ANO2: variants seen among roughly 807,000 people sequenced by gnomAD.
ANO2 encodes anoctamin 2.
Under a neutral mutation model 124.2 loss-of-function variants are expected in ANO2, and 101 were observed. That is an observed-to-expected ratio of 0.81 (90% CI 0.69 to 0.96). The LOEUF (loss-of-function observed/expected upper bound fraction) is 0.96. Among genes scored for constraint, ANO2 ranks in the 40% least tolerant of loss-of-function variants. ANO2 has a pLI of 0.00. For missense variants in ANO2, 1,293 were observed against 1,274.5 expected (o/e 1.01, Z -0.22); for synonymous variants, 486 against 482.5 (o/e 1.01, Z -0.09).
intron 14 of ANO2, among the ~76,000 whole-genome samples, chr12:5,661,485 G>C (rs1466864443): frequency 6.6e-6 from 1 of 152,134 alleles, no homozygotes; most frequent in Non-Finnish European, 1.5e-5. Context: ...GGAGCTCTAA[G>C]GGGTGCCTAT....
chr12:5,872,705 C>G (rs750846168), intron 3 of ANO2, among the ~76,000 whole-genome samples: 1 of 152,062 alleles, frequency 6.6e-6, no homozygotes, highest in Non-Finnish European at 1.5e-5. Context: ...TACTAGAGGT[C>G]TAGAAAATCT....
In ANO2 at chr12:5,758,189, G is replaced by A. The variant is rs1235444001; in HGVS notation, c.1056-7219C>T. 2.0e-5 allele frequency among the ~76,000 whole-genome samples: 3 copies of A among 152,272 alleles called. No individual in the cohort carries two copies. In the East Asian group the frequency reaches 5.8e-4, roughly 29 times the overall value. On this transcript the variant is annotated intron_variant, in intron 10 of 24. Transcript: ENST00000682330. ...ACAGCCGATGGTACTTGGTGGAAAG[G>A]GTGGAAACTCTCCTAGGCCCGAGAT...
chr12:5,764,624 T>A (rs1847932948), intron 10 of ANO2, among the ~76,000 whole-genome samples: 1 of 152,190 alleles, frequency 6.6e-6, no homozygotes, highest in Non-Finnish European at 1.5e-5. Flanking sequence ...GGCAAATTTG[T>A]TAATTGGACA....
intron 16 of ANO2, among the ~76,000 whole-genome samples, chr12:5,629,510 T>A (rs1945593555): frequency 6.6e-6 from 1 of 152,222 alleles, no homozygotes; most frequent in South Asian, 2.1e-4. Flanking sequence ...TTGCTCTTTC[T>A]TCTTGCCTCC....
rs73269281 is a variant in ANO2 at position 5,656,280 on chromosome 12, C to A, written c.1546-8479G>T. The stretch of plus-strand genomic sequence containing the variant: ...CTGTTAAGCTCCAAACTCATTTGTC[C>A]AACTGCCTAGTGAGCATCTTCAGTG... On this transcript the variant is annotated intron_variant, in intron 14 of 24. Transcript: ENST00000682330. 4.7e-3 allele frequency among the ~76,000 whole-genome samples: 713 copies of A among 152,294 alleles called. 4 individuals carry two copies. Among genetic ancestry groups the A allele is most frequent in the African/African-American group, 0.016 (685 of 41,550 alleles).
chr12:5,614,781 G>A (rs999759361), intron 17 of ANO2, among the ~76,000 whole-genome samples: 3 of 152,214 alleles, frequency 2.0e-5, no homozygotes, highest in African/African-American at 4.8e-5. Flanking sequence ...TGTCTGAAAT[G>A]AGGGAAGTCT....
At chr12:5,588,996 C>T (rs1943259805) in intron 20 of ANO2, among the ~76,000 whole-genome samples, 1 of 152,166 alleles carries the variant, frequency 6.6e-6, no homozygotes, top group Admixed American at 6.5e-5. Context: ...CTCACTCTGC[C>T]TACAATGGTC....
chr12:5,746,424 TG>T (rs1470276575), intron 11 of ANO2, among the ~76,000 whole-genome samples: 6 of 152,206 alleles, frequency 3.9e-5, no homozygotes, highest in Non-Finnish European at 7.3e-5. Flanking sequence ...AGAGGAATTC[TG>T]GCTAAGAATG....
rs531457555 is a variant in ANO2, at chr12:5,671,738, C to T, written c.1546-23937G>A. ...AAATAACACAGTGCAAATGACAATACTCGAAAGCCTAGAGATATACTCAGC... is the reference window on the plus strand; with the variant it reads ...AAATAACACAGTGCAAATGACAATATTCGAAAGCCTAGAGATATACTCAGC... On this transcript the variant is annotated intron_variant, in intron 14 of 24. Transcript: ENST00000682330. Among the ~76,000 whole-genome samples the T allele has an allele frequency of 3.0e-3, 455 of 152,296 alleles. 3 individuals are homozygous for T. The highest frequency in any genetic ancestry group is 0.011 in the African/African-American group (439 of 41,570).
rs966826367 is a variant in ANO2, at chr12:5,871,517, C to T, written c.535-17376G>A. On this transcript the variant is annotated intron_variant, in intron 3 of 24. Coordinates refer to ENST00000682330, the MANE Select transcript of ANO2 (RefSeq NM_001364791.2). ...AATGGCAGGGAAGCAAGCATCACCA[C>T]GTGAGTGCCACCTCCTGTCAGATAA... Among the ~76,000 whole-genome samples, 3 of 152,188 alleles carry T rather than the reference C, an allele frequency of 2.0e-5. No individual in the cohort carries two copies. In the East Asian group the frequency reaches 5.8e-4, roughly 29 times the overall value.
intron 10 of ANO2, among the ~76,000 whole-genome samples, chr12:5,768,703 G>A (rs1055956198): frequency 1.3e-5 from 2 of 152,162 alleles, no homozygotes; most frequent in African/African-American, 4.8e-5. Context: ...TGCCTGTACG[G>A]TAGGTCTCCT....
intron 7 of ANO2, among the ~76,000 whole-genome samples, chr12:5,816,045 T>G (rs1001613754): frequency 6.6e-6 from 1 of 152,026 alleles, no homozygotes; most frequent in African/African-American, 2.4e-5. Context: ...GCTTTGTAAG[T>G]TGGTTGCAAA....
chr12:5,726,758 T>TA (rs1385576535), intron 14 of ANO2, among the ~76,000 whole-genome samples: 4 of 152,172 alleles, frequency 2.6e-5, no homozygotes, highest in African/African-American at 9.7e-5. Flanking sequence ...AGAGAAGGTA[T>TA]AAGAGCTAAG....
chr12:5,913,995 T>C (rs1941216358), intron 3 of ANO2, among the ~76,000 whole-genome samples: 1 of 149,736 alleles, frequency 6.7e-6, no homozygotes, highest in African/African-American at 2.5e-5. Flanking sequence ...CAGTCAGGAG[T>C]TGGAGACCAG....
At chr12:5,855,748 G>C (rs6489664) in intron 3 of ANO2, among the ~76,000 whole-genome samples, 14,286 of 152,252 alleles carry the variant, frequency 0.094, 777 homozygotes, top group East Asian at 0.27. Flanking sequence ...AAGCAAGGCA[G>C]GGAAAATGTA....
intron 23 of ANO2, among the ~76,000 whole-genome samples, chr12:5,568,421 C>T (rs951146749): frequency 4.6e-5 from 7 of 152,068 alleles, no homozygotes; most frequent in African/African-American, 1.2e-4. Flanking sequence ...TTCAAAATGC[C>T]GATCATGACC....
chr12:5,745,545 C>T (rs1296000577), intron 11 of ANO2, among the ~76,000 whole-genome samples: 1 of 152,208 alleles, frequency 6.6e-6, no homozygotes, highest in Non-Finnish European at 1.5e-5. Flanking sequence ...TCAGAGGAAA[C>T]CTCCAAAGCC....
chr12:5,574,635 T>C (rs551123603), intron 23 of ANO2, among the ~76,000 whole-genome samples: 55 of 152,180 alleles, frequency 3.6e-4, no homozygotes, highest in Middle Eastern at 6.8e-3. Context: ...CATCTTCTCC[T>C]CTCCTCTTAA....
At chr12:5,829,816 T>C (rs1954093096) in intron 6 of ANO2, among the ~76,000 whole-genome samples, 2 of 151,450 alleles carry the variant, frequency 1.3e-5, no homozygotes, top group Non-Finnish European at 2.9e-5. Flanking sequence ...CCAATCATCC[T>C]ACAAAATTCA....
Sources: allele counts gnomAD v4.1 joint callset (sites outside exome capture counted in the v4.1 genomes callset), GRCh38; gene constraint gnomAD v4.1.1; transcripts MANE v1.5; gene names NCBI Gene and HGNC (gene_info 2026-07-23, HGNC 2026-07-21).